TUB: variants seen among roughly 807,000 people sequenced by gnomAD.
TUB encodes tubby protein homolog.
A neutral mutation model predicts 59.7 loss-of-function variants in TUB; 33 were observed. The observed-to-expected ratio is 0.55, with a 90% CI of 0.42 to 0.74. TUB has a LOEUF of 0.74. Among genes scored for constraint, TUB ranks in the 30% least tolerant of loss-of-function variants. The probability of loss-of-function intolerance (pLI) is 0.00; values close to 1 mark genes in which losing one functional copy is unlikely to be tolerated. For missense variants in TUB, 659 were observed against 672.0 expected (o/e 0.98, Z 0.21); for synonymous variants, 293 against 256.4 (o/e 1.14, Z -1.36).
At chr11:8,075,701 C>T (rs1943437126) in intron 2 of TUB, 1 of 127,376 alleles carries the variant, frequency 7.9e-6, no homozygotes, top group African/African-American at 3.0e-5. Flanking sequence ...GTAATTAATG[C>T]ATCCTGTCTG....
At chr11:8,082,298 C>A (rs6578922) in intron 1 of TUB, among the ~76,000 whole-genome samples, 138,044 of 152,226 alleles carry the variant, frequency 0.91, 63,065 homozygotes, top group East Asian at 1. Context: ...AGGGAAGCCC[C>A]CCACCCTCTG....
chr11:8,023,244 G>A (rs894823042), intron 1 of TUB, among the ~76,000 whole-genome samples: 1 of 152,204 alleles, frequency 6.6e-6, no homozygotes, highest in Non-Finnish European at 1.5e-5. Flanking sequence ...TCACTCTGCT[G>A]CCTTGTATTA....
rs1179159680 is a variant in TUB, at chr11:8,103,037, TG to T, written c.*1420del. On this transcript the variant is annotated 3_prime_UTR_variant, in exon 12 of 12. Transcript: ENST00000299506. ...AGGCAGTTCCCTGTTGAAAGTTGTCTGGCTTTTTGCACGTGAGTATGATCCA... is the reference window on the plus strand; with the variant it reads ...AGGCAGTTCCCTGTTGAAAGTTGTCTGCTTTTTGCACGTGAGTATGATCCA... The T allele has an allele frequency of 1.3e-5, 2 of 152,294 alleles. No individual in the cohort carries two copies. Among genetic ancestry groups the T allele is most frequent in the African/African-American group, 4.8e-5 (2 of 41,470 alleles). The allele number at this position is 152,294 out of a possible 1,614,324, so 9.4% of individuals were successfully genotyped here.
chr11:8,062,703 G>T (rs1039548155), intron 2 of TUB, among the ~76,000 whole-genome samples: 1 of 152,124 alleles, frequency 6.6e-6, no homozygotes, highest in Admixed American at 6.5e-5. Context: ...TTTTTAAAAT[G>T]CACATTCCCA....
intron 4 of TUB, among the ~76,000 whole-genome samples, chr11:8,095,043 C>T (rs79876819): frequency 0.046 from 7,029 of 152,220 alleles, 428 homozygotes; most frequent in African/African-American, 0.14. Context: ...AAGGGGCCCA[C>T]GTTTTTAATG....
intron 2 of TUB, among the ~76,000 whole-genome samples, chr11:8,067,231 G>A (rs1943262098): frequency 6.6e-6 from 1 of 152,152 alleles, no homozygotes; most frequent in African/African-American, 2.4e-5. Context: ...GCCGGCACAG[G>A]GCATTGTTGC....
chr11:8,082,700 T>G (rs1222343304), intron 1 of TUB, among the ~76,000 whole-genome samples: 2 of 152,230 alleles, frequency 1.3e-5, no homozygotes, highest in Non-Finnish European at 2.9e-5. Context: ...AGGGCTCTTC[T>G]CTGAGTCTGT....
intron 2 of TUB, among the ~76,000 whole-genome samples, chr11:8,058,402 C>T (rs112303607): frequency 0.022 from 3,389 of 152,240 alleles, 124 homozygotes; most frequent in African/African-American, 0.076. Context: ...CCTCGCACTT[C>T]GATGCTCAGT....
In TUB at chr11:8,102,394, G is replaced by C. The variant is rs1354400827; in HGVS notation, c.*775G>C. The C allele has an allele frequency of 6.6e-6, 1 of 152,262 alleles. No homozygotes were observed. Among genetic ancestry groups the C allele is most frequent in the Non-Finnish European group, 1.5e-5 (1 of 68,070 alleles). The allele number at this position is 152,262 out of a possible 1,614,324, so 9.4% of individuals were successfully genotyped here. A position where few individuals can be genotyped will look rare whatever the true frequency, so the allele number is the denominator to read the frequency against. On this transcript the variant is annotated 3_prime_UTR_variant, in exon 12 of 12. Transcript: ENST00000299506. The stretch of plus-strand genomic sequence containing the variant: ...CAAGACACAGGCTCAGCATGCAGAA[G>C]TGCATGAACAGGGTCCCTGGATCAG...
intron 4 of TUB, 129 bp from the exon 5 acceptor site, chr11:8,095,369 A>G (rs772044105): frequency 6.4e-5 from 59 of 924,994 alleles, no homozygotes; most frequent in Non-Finnish European, 9.1e-5. Context: ...TTTTATAAAA[A>G]TCACTTTTGC....
chr11:8,049,690 A>G (rs1371913070), intron 2 of TUB, among the ~76,000 whole-genome samples: 2 of 151,856 alleles, frequency 1.3e-5, no homozygotes, highest in African/African-American at 2.4e-5. Context: ...CCATAATAAC[A>G]TATGTATGTA....
intron 2 of TUB, among the ~76,000 whole-genome samples, chr11:8,064,353 C>G (rs1481622151): frequency 2.0e-5 from 3 of 152,174 alleles, no homozygotes; most frequent in African/African-American, 7.2e-5. Context: ...CACAGATTAC[C>G]ATGTTATGCT....
Position 8,101,664 on chromosome 11 carries a change from TTGCC to T in TUB, c.*56_*59del, listed in dbSNP as rs781434649. ...GGGGTTGCCCAGCCTGGAGCGGAGC[TTGCC>T]TGCCTGCCTGTGGAGACAGCCCTGC... On this transcript the variant is annotated 3_prime_UTR_variant, in exon 12 of 12. Coordinates refer to ENST00000299506, the MANE Select transcript of TUB (RefSeq NM_177972.3). The T allele has an allele frequency of 4.4e-6, 7 of 1,605,004 alleles. No individual in the cohort carries two copies. Among genetic ancestry groups the T allele is most frequent in the Admixed American group, 3.4e-5 (2 of 58,454 alleles).
Position 8,090,138 on chromosome 11 carries a change from GGGCGGCCCCGGAGCC to G in TUB, c.166_180del (p.Pro56_Arg60del), listed in dbSNP as rs1346225948. 2.5e-6 allele frequency: 4 copies of G among 1,613,434 alleles called. No individual in the cohort carries two copies. The highest frequency in any genetic ancestry group is 3.4e-6 in the Non-Finnish European group (4 of 1,179,872). ...CCTGATGGTGCAGGCCAATGCAGAT[GGGCGGCCCCGGAGCC>G]GGCGGGCCCGGCAGTCAGAGGAACA... On this transcript the variant is annotated inframe_deletion, in exon 3 of 12. Coordinates refer to ENST00000299506, the MANE Select transcript of TUB (RefSeq NM_177972.3).
chr11:8,069,399 C>CGGGG (rs5789559), intron 2 of TUB: 5 of 127,132 alleles, frequency 3.9e-5, no homozygotes, highest in African/African-American at 1.6e-4. Context: ...TGTATTCTTT[C>CGGGG]GGGGGGGGGG....
At chr11:8,056,467 G>T (rs1943023196) in intron 2 of TUB, among the ~76,000 whole-genome samples, 2 of 152,142 alleles carry the variant, frequency 1.3e-5, no homozygotes, top group Admixed American at 1.3e-4. Context: ...GTGCTGACAG[G>T]GGAAGGCAGG....
chr11:8,025,007 G>A (rs752158589), intron 1 of TUB, among the ~76,000 whole-genome samples: 12 of 152,192 alleles, frequency 7.9e-5, no homozygotes, highest in Non-Finnish European at 1.5e-4. Context: ...TGGTAGCTAC[G>A]TCTTAAGGTG....
intron 2 of TUB, among the ~76,000 whole-genome samples, chr11:8,047,599 T>A (rs972486380): frequency 6.6e-6 from 1 of 152,190 alleles, no homozygotes; most frequent in African/African-American, 2.4e-5. Flanking sequence ...AGCAGGGCCT[T>A]CCTCCTAGAT....
chr11:8,097,753 A>G lies in TUB; in HGVS notation c.925A>G (p.Thr309Ala). The change falls in exon 8 of 12, where the codon ACT becomes GCT. Residue 309 changes from threonine to alanine, a missense_variant. Transcript: ENST00000299506. ...LAGRKRKKSK[T>A]SNYLISVDPT... is the part of the protein sequence containing the mutation. ...GGGAAGGAAGAGAAAGAAGAGTAAA[A>G]CTTCCAATTACCTCATCTCTGTGGA... is the stretch of plus-strand genomic sequence containing the variant. The G allele has an allele frequency of 6.2e-7, 1 of 1,613,986 alleles. No homozygotes were observed. Among genetic ancestry groups the G allele is most frequent in the Non-Finnish European group, 8.5e-7 (1 of 1,179,950 alleles).
Sources: allele counts gnomAD v4.1 joint callset (sites outside exome capture counted in the v4.1 genomes callset), GRCh38; gene constraint gnomAD v4.1.1; transcripts MANE v1.5; gene names NCBI Gene and HGNC (gene_info 2026-07-23, HGNC 2026-07-21).